Variants in MCF2 observed in about 807,000 individuals in gnomAD.
MCF2 encodes proto-oncogene DBL.
Under a neutral mutation model 82.5 loss-of-function variants are expected in MCF2, and 44 were observed. The observed-to-expected ratio is 0.53, with a 90% confidence interval of 0.42 to 0.69. MCF2 has a LOEUF of 0.69. Ranked by LOEUF, MCF2 falls within the 30% of genes least tolerant of loss-of-function variation. The pLI is 0.00. For synonymous variants in MCF2, 217 were observed against 224.9 expected (o/e 0.96, Z 0.32); for missense variants, 623 against 663.1 (o/e 0.94, Z 0.66).
chrX:139,639,867 C>A (rs1232891138), intron 1 of MCF2, among the ~76,000 whole-genome samples: 1 of 111,616 alleles, frequency 9.0e-6, no homozygotes, highest in Non-Finnish European at 1.9e-5. Context: ...CCTATTTAAT[C>A]TTTAGGGTAA....
At chrX:139,608,746 ATAT>A (rs1931254610) in intron 11 of MCF2, among the ~76,000 whole-genome samples, 1 of 111,923 alleles carries the variant, frequency 8.9e-6, no homozygotes, top group Admixed American at 9.5e-5. Context: ...TGCTTAACAC[ATAT>A]TATATTTAAT....
At chrX:139,696,282 C>T (rs1935377663) in intron 1 of MCF2, among the ~76,000 whole-genome samples, 1 of 90,904 alleles carries the variant, frequency 1.1e-5, no homozygotes, top group South Asian at 6.5e-4. Context: ...CCCTCCCTCC[C>T]TTCCTTCCTT....
At chrX:139,623,380 T>C (rs1478308769) in intron 6 of MCF2, among the ~76,000 whole-genome samples, 6 of 111,515 alleles carry the variant, frequency 5.4e-5, no homozygotes, top group Admixed American at 2.9e-4. Flanking sequence ...AAATACATCA[T>C]GGAATACTAT....
At chrX:139,595,291 A>C (rs1366621364) in intron 19 of MCF2, among the ~76,000 whole-genome samples, 1 of 110,160 alleles carries the variant, frequency 9.1e-6, no homozygotes, top group African/African-American at 3.3e-5. Flanking sequence ...TATTTATTGC[A>C]GCACTATTCA....
At chrX:139,610,222 G>T in intron 11 of MCF2, 79 bp downstream of exon 15, 1 of 626,435 alleles carries the variant, frequency 1.6e-6, no homozygotes, top group Non-Finnish European at 2.5e-6. Flanking sequence ...TCTAGTGAAT[G>T]AAACATGTGA....
chrX:139,631,617 T>C, intron 2 of MCF2, 106 bp from the exon 6 acceptor site: 1 of 495,750 alleles, frequency 2.0e-6, no homozygotes, highest in Non-Finnish European at 3.7e-6. Flanking sequence ...TTACCTCTGA[T>C]AAATGGTTTT....
At chrX:139,604,730 T>A in exon 15 of MCF2, 1 of 1,197,297 alleles carries the variant, frequency 8.4e-7, no homozygotes, top group Non-Finnish European at 1.1e-6. Flanking sequence ...AGCACAATTT[T>A]CCAGGCTGCT....
chrX:139,699,341 C>G (rs919355631), intron 1 of MCF2, among the ~76,000 whole-genome samples: 2 of 112,118 alleles, frequency 1.8e-5, no homozygotes, highest in Non-Finnish European at 3.8e-5. Context: ...TTTATTGTAA[C>G]AGCATTATTG....
intron 1 of MCF2, among the ~76,000 whole-genome samples, chrX:139,680,445 GA>G (rs765788009): frequency 8.9e-6 from 1 of 112,074 alleles, no homozygotes; most frequent in South Asian, 3.7e-4. Flanking sequence ...GAAATGTGGG[GA>G]AAAGGCACTG....
At chrX:139,616,880 A>C (rs1297883394) in intron 8 of MCF2, among the ~76,000 whole-genome samples, 1 of 112,048 alleles carries the variant, frequency 8.9e-6, no homozygotes, top group Non-Finnish European at 1.9e-5. Context: ...ATGCTTAATG[A>C]TGGCTAAAGA....
chrX:139,585,312 A>G, intron 23 of MCF2, 134 bp from the exon 28 acceptor site: 1 of 444,804 alleles, frequency 2.2e-6, no homozygotes, highest in South Asian at 4.0e-5. Flanking sequence ...GTAAGCAGCA[A>G]ATTAACAGAT....
At chrX:139,640,336 T>C (rs1933490563) in intron 1 of MCF2, among the ~76,000 whole-genome samples, 1 of 111,466 alleles carries the variant, frequency 9.0e-6, no homozygotes, top group African/African-American at 3.3e-5. Context: ...AAAAATCTCA[T>C]GACCTCAAGC....
chrX:139,673,736 C>G (rs1205104040), intron 1 of MCF2, among the ~76,000 whole-genome samples: 1 of 111,699 alleles, frequency 9.0e-6, no homozygotes, highest in Non-Finnish European at 1.9e-5. Flanking sequence ...TTACTTCCAA[C>G]TATGTGGTCA....
rs1463077917 is a variant in MCF2 at position 139,582,815 on chromosome X, C to G, written c.2746-312G>C. Among the ~76,000 whole-genome samples, 3 of 112,033 alleles carry G rather than the reference C, an allele frequency of 2.7e-5. No individual in the cohort carries two copies. In the Admixed American group the frequency reaches 2.9e-4, roughly 11 times the overall value. ...ACTTAAAACTGAGTTCTTTACAATG[C>G]CTTCATAGATCATCTACAGCAAACG... On this transcript the variant is annotated intron_variant, in intron 24 of 24. Coordinates refer to ENST00000370576, the Ensembl canonical transcript of MCF2.
chrX:139,673,633 A>T (rs1388845402), intron 1 of MCF2, among the ~76,000 whole-genome samples: 1 of 111,874 alleles, frequency 8.9e-6, no homozygotes, highest in Non-Finnish European at 1.9e-5. Flanking sequence ...GTTTTGAGTG[A>T]GTTTCTTAAT....
chrX:139,704,522 A>C (rs1935556606), intron 1 of MCF2, among the ~76,000 whole-genome samples: 1 of 111,676 alleles, frequency 9.0e-6, no homozygotes, highest in African/African-American at 3.3e-5. Context: ...CACAGTCCCC[A>C]AAATCTCAAA....
At chrX:139,624,636 A>T (rs1263017735) in intron 6 of MCF2, among the ~76,000 whole-genome samples, 1 of 111,628 alleles carries the variant, frequency 9.0e-6, no homozygotes, top group Non-Finnish European at 1.9e-5. Context: ...GACACAAGAC[A>T]ACTTAATGCA....
intron 15 of MCF2, among the ~76,000 whole-genome samples, chrX:139,604,054 T>C (rs754029970): frequency 2.7e-5 from 3 of 111,076 alleles, no homozygotes; most frequent in African/African-American, 9.8e-5. Context: ...CAGAGAAGCA[T>C]ACACAAAAAA....
exon 9 of MCF2, chrX:139,616,308 C>A (rs1028419432): frequency 8.9e-7 from 1 of 1,126,238 alleles, no homozygotes; most frequent in Admixed American, 2.5e-5. Context: ...AATATTACAT[C>A]AAATTCATAC....
Sources: gnomAD v4.1 joint callset for allele counts (sites outside exome capture counted in the v4.1 genomes callset) on GRCh38, gnomAD v4.1.1 for gene constraint, MANE v1.5 for transcripts, NCBI Gene and HGNC (gene_info 2026-07-23, HGNC 2026-07-21) for gene names.